The following CFI variants were observed in gnomAD, a reference collection of about 807,000 sequenced individuals.
CFI encodes C3B/C4B inactivator.
CFI carries 66 observed loss-of-function variants against 78.8 expected under a neutral mutation model. That is an observed-to-expected ratio of 0.84 (90% CI 0.69 to 1.03). The LOEUF (loss-of-function observed/expected upper bound fraction) is 1.03. CFI is among the 50% of genes least tolerant of loss of function. The pLI is 0.00. For synonymous variants in CFI, 250 were observed against 232.6 expected (o/e 1.07, Z -0.68); for missense variants, 706 against 704.5 (o/e 1.00, Z -0.02).
chr4:109,756,893 GA>G (rs200535986), intron 7 of CFI, among the ~76,000 whole-genome samples: 309 of 13,498 alleles, frequency 0.023, 6 homozygotes, highest in African/African-American at 0.078. Flanking sequence ...AGAAAGGAAA[GA>G]AAGAAAGAAA....
intron 8 of CFI, among the ~76,000 whole-genome samples, chr4:109,751,346 A>C (rs1173608072): frequency 6.6e-6 from 1 of 151,204 alleles, no homozygotes; most frequent in East Asian, 2.0e-4. Context: ...CAACTTAGGT[A>C]GTATCTGAAA....
chr4:109,761,671 C>G lies in CFI; in HGVS notation c.504G>C (p.Arg168Ser), dbSNP rs143168498. Residue 168 changes from arginine (R) to serine (S), a missense_variant, in exon 4 of 13, where the codon AGG (arginine) becomes AGC (serine). Arg to Ser is a moderately radical substitution (Grantham distance 110, BLOSUM62 -1). Transcript: ENST00000394634. ...GFQQGADTQR[R>S]FKLSDLSINS... is the part of the protein sequence containing the mutation. ...TTATAGAGAGATCAGACAACTTAAA[C>G]CTTCTTTGAGTATCAGCACCTCTGC... The G allele has an allele frequency of 5.0e-6, 8 of 1,612,710 alleles. No homozygotes were observed. Among genetic ancestry groups the G allele is most frequent in the African/African-American group, 1.3e-5 (1 of 74,886 alleles).
At chr4:109,794,603 G>A (rs1168532106) in intron 1 of CFI, among the ~76,000 whole-genome samples, 2 of 151,986 alleles carry the variant, frequency 1.3e-5, no homozygotes, top group African/African-American at 4.8e-5. Flanking sequence ...AACCAGCCTG[G>A]CCAACATGGT....
At chr4:109,767,400 T>C (rs1213838412) in intron 1 of CFI, among the ~76,000 whole-genome samples, 1 of 151,008 alleles carries the variant, frequency 6.6e-6, no homozygotes, top group Admixed American at 6.6e-5. Context: ...AGGGCTAATA[T>C]CCAGAATCTA....
intron 1 of CFI, among the ~76,000 whole-genome samples, chr4:109,768,318 G>C (rs1579242023): frequency 8.8e-6 from 1 of 113,612 alleles, no homozygotes; most frequent in East Asian, 2.5e-4. Context: ...CTGCCATCTT[G>C]ACCATGAAGA....
At chr4:109,748,115 T>A (rs191460888) in intron 10 of CFI, among the ~76,000 whole-genome samples, 1 of 152,278 alleles carries the variant, frequency 6.6e-6, no homozygotes, top group East Asian at 1.9e-4. Context: ...ATAAGGGTGA[T>A]TCAGGTAACC....
At chr4:109,768,418 A>C (rs886374386) in intron 1 of CFI, among the ~76,000 whole-genome samples, 4 of 151,664 alleles carry the variant, frequency 2.6e-5, no homozygotes, top group African/African-American at 9.7e-5. Context: ...TACATGATGC[A>C]GGGCAAGTGA....
At chr4:109,747,864 T>C (rs1724671745) in intron 10 of CFI, among the ~76,000 whole-genome samples, 1 of 152,196 alleles carries the variant, frequency 6.6e-6, no homozygotes, top group South Asian at 2.1e-4. Flanking sequence ...CTCATAAGGA[T>C]TGCACAGCCT....
chr4:109,734,987 C>T, the CFI span, among the ~76,000 whole-genome samples: 1 of 152,156 alleles, frequency 6.6e-6, no homozygotes, highest in Non-Finnish European at 1.5e-5. Context: ...GACAGAGTCT[C>T]ATTCTGTCAC....
At chr4:109,751,628 A>G (rs1299332814) in intron 8 of CFI, among the ~76,000 whole-genome samples, 2 of 151,824 alleles carry the variant, frequency 1.3e-5, no homozygotes, top group Admixed American at 6.6e-5. Context: ...TTTTGTAGAG[A>G]TGGGGTTTCA....
chr4:109,790,846 C>T (rs190150372), intron 1 of CFI, among the ~76,000 whole-genome samples: 200 of 152,194 alleles, frequency 1.3e-3, no homozygotes, highest in African/African-American at 4.6e-3. Flanking sequence ...TCCAGTCTAC[C>T]ATTGATGGGC....
chr4:109,799,850 G>A (rs1177089701), intron 1 of CFI, among the ~76,000 whole-genome samples: 1 of 152,148 alleles, frequency 6.6e-6, no homozygotes, highest in Non-Finnish European at 1.5e-5. Flanking sequence ...TATCCTTCAA[G>A]ACCACTGCCA....
chr4:109,749,286 G>A lies in CFI; in HGVS notation c.1080C>T (p.Ala360=), dbSNP rs201456117. ...DLPWQVAIKD[A]SGITCGGIYI... Reference sequence around the variant, plus strand: ...AAATTCCCCCACAGGTGATTCCACTGGCATCCTTAATTGCCACCTGCCATG... The same window carrying A: ...AAATTCCCCCACAGGTGATTCCACTAGCATCCTTAATTGCCACCTGCCATG... Residue 360 remains alanine, a synonymous_variant, in exon 10 of 13, where the codon GCC becomes GCT. Transcript: ENST00000394634. The A allele has an allele frequency of 1.9e-6, 3 of 1,614,082 alleles. No individual in the cohort carries two copies. Among genetic ancestry groups the A allele is most frequent in the Non-Finnish European group, 8.5e-7 (1 of 1,179,998 alleles).
intron 7 of CFI, among the ~76,000 whole-genome samples, chr4:109,754,774 G>A (rs1725918905): frequency 6.6e-6 from 1 of 152,168 alleles, no homozygotes; most frequent in Admixed American, 6.5e-5. Context: ...TTGTGAATCA[G>A]AGAAGACTCA....
intron 1 of CFI, among the ~76,000 whole-genome samples, chr4:109,771,394 T>TA (rs1157723575): frequency 1.7e-5 from 2 of 120,590 alleles, no homozygotes; most frequent in African/African-American, 7.1e-5. Context: ...CCATCTCTAC[T>TA]AAAAATAAAA....
At chr4:109,734,007 A>T in the CFI span, among the ~76,000 whole-genome samples, 6 of 151,692 alleles carry the variant, frequency 4.0e-5, no homozygotes, top group Non-Finnish European at 8.8e-5. Context: ...TTATCTCTAT[A>T]AAAAAAATAC....
Position 109,749,542 on chromosome 4 carries a change from T to G in CFI, c.1001A>C (p.His334Pro), listed in dbSNP as rs752802050. 3.1e-6 allele frequency: 5 copies of G among 1,613,848 alleles called. No homozygotes were observed. The highest frequency in any genetic ancestry group is 4.2e-6 in the Non-Finnish European group (5 of 1,179,698). Residue 334 changes from histidine (H) to proline (P), a missense_variant, in exon 9 of 13, where the codon CAC becomes CCC. By Grantham distance (77) the His-to-Pro change is moderately conservative (BLOSUM62 -2). Transcript: ENST00000394634. ...KLSCGVKNRM[H>P]IRRKRIVGGK... ...TCCCACAATTCGTTTCCTTCGAATG[T>G]GCATTCTGTTTTTAACTCCACAAGA...
In CFI at chr4:109,746,259, A is replaced by C. The variant is rs759927335; in HGVS notation, c.1392T>G (p.Asn464Lys). ...CCCAGCCAGAAACGATGCATGTATC[A>C]TTAGGTTGGAATAGGTAAGGAGACC... ...VPWSPYLFQP[N>K]DTCIVSGWGR... is the part of the protein sequence containing the mutation. The change falls in exon 11 of 13, where the codon AAT becomes AAG. Residue 464 changes from asparagine (N) to lysine (K), a missense_variant. Asn to Lys is a moderately conservative substitution (Grantham distance 94). Transcript: ENST00000394634. The C allele has an allele frequency of 6.2e-7, 1 of 1,614,214 alleles. No homozygotes were observed. Among genetic ancestry groups the C allele is most frequent in the East Asian group, 2.2e-5 (1 of 44,886 alleles).
downstream of CFI, among the ~76,000 whole-genome samples, chr4:109,737,080 A>G (rs1233536113): frequency 6.6e-6 from 1 of 151,858 alleles, no homozygotes; most frequent in Non-Finnish European, 1.5e-5. Context: ...TTTAGTTTCT[A>G]CCTTCATTAT....
Sources: allele counts gnomAD v4.1 joint callset (sites outside exome capture counted in the v4.1 genomes callset), GRCh38; gene constraint gnomAD v4.1.1; transcripts MANE v1.5; gene names NCBI Gene and HGNC (gene_info 2026-07-23, HGNC 2026-07-21).